CEMIP2: variants seen among roughly 807,000 people sequenced by gnomAD.
CEMIP2 encodes the protein cell migration inducing hyaluronidase 2.
Under a neutral mutation model 146.9 loss-of-function variants are expected in CEMIP2, and 79 were observed. That is an observed-to-expected ratio of 0.54 (90% CI 0.45 to 0.65). The LOEUF is 0.65. CEMIP2 is among the 30% of genes least tolerant of loss of function. The probability of loss-of-function intolerance (pLI) is 0.00; values close to 1 mark genes in which losing one functional copy is unlikely to be tolerated. For missense variants in CEMIP2, 1,596 were observed against 1,696.2 expected (o/e 0.94, Z 1.04); for synonymous variants, 601 against 606.3 (o/e 0.99, Z 0.13).
intron 1 of CEMIP2, among the ~76,000 whole-genome samples, chr9:71,761,784 C>T (rs1824644635): frequency 6.6e-6 from 1 of 152,074 alleles, no homozygotes; most frequent in Admixed American, 6.5e-5. Context: ...AGGGAGACAA[C>T]ACAAGTAAAC....
At chr9:71,703,183 A>G (rs1020553160) in intron 18 of CEMIP2, among the ~76,000 whole-genome samples, 1 of 152,156 alleles carries the variant, frequency 6.6e-6, no homozygotes, top group Non-Finnish European at 1.5e-5. Context: ...AGCCACAAAC[A>G]CTGTGGGTAG....
chr9:71,698,311 T>C (rs1822460052), intron 19 of CEMIP2, 107 bp from the exon 20 acceptor site: 1 of 889,280 alleles, frequency 1.1e-6, no homozygotes, highest in Non-Finnish European at 1.7e-6. Context: ...AATTAGTAAC[T>C]TTTCCTTAAA....
At chr9:71,719,842 C>CAA (rs34555277) in intron 12 of CEMIP2, among the ~76,000 whole-genome samples, 6 of 93,196 alleles carry the variant, frequency 6.4e-5, no homozygotes, top group African/African-American at 2.0e-4. Flanking sequence ...TAAACGAAAG[C>CAA]AAAAAAAAAA....
chr9:71,760,325 TCTC>T, intron 1 of CEMIP2, among the ~76,000 whole-genome samples: 1 of 152,244 alleles, frequency 6.6e-6, no homozygotes, highest in East Asian at 1.9e-4. Flanking sequence ...CACATTGGAC[TCTC>T]CTGTTAAAAT....
At chr9:71,724,193 G>A (rs1010596972) in intron 11 of CEMIP2, among the ~76,000 whole-genome samples, 2 of 152,004 alleles carry the variant, frequency 1.3e-5, no homozygotes, top group African/African-American at 2.4e-5. Flanking sequence ...TACTCAGGAG[G>A]CTGAGGCAGA....
chr9:71,764,670 T>C (rs747744771), intron 1 of CEMIP2, among the ~76,000 whole-genome samples: 2 of 152,152 alleles, frequency 1.3e-5, no homozygotes, highest in Non-Finnish European at 2.9e-5. Flanking sequence ...ACAGTTCACT[T>C]GATAGTTTTA....
chr9:71,704,946 T>A, intron 17 of CEMIP2, 143 bp from the exon 18 acceptor site: 1 of 708,990 alleles, frequency 1.4e-6, no homozygotes, highest in Non-Finnish European at 2.3e-6. Context: ...AGCAGCCAAC[T>A]ACATCCTCAG....
chr9:71,708,164 C>A (rs536086752), intron 17 of CEMIP2, among the ~76,000 whole-genome samples: 1 of 152,068 alleles, frequency 6.6e-6, no homozygotes, highest in Non-Finnish European at 1.5e-5. Flanking sequence ...CCAGCCTGGG[C>A]GACAGAGCAA....
chr9:71,759,678 T>C (rs955365879), intron 1 of CEMIP2, among the ~76,000 whole-genome samples: 1 of 152,146 alleles, frequency 6.6e-6, no homozygotes, highest in African/African-American at 2.4e-5. Flanking sequence ...ATAGTTCTTT[T>C]TGGAATTTAA....
intron 17 of CEMIP2, among the ~76,000 whole-genome samples, chr9:71,708,533 T>C (rs928635719): frequency 1.3e-5 from 2 of 152,234 alleles, no homozygotes; most frequent in African/African-American, 4.8e-5. Context: ...ATGCATACTT[T>C]AGAAAATAAC....
rs1823577882 is a variant in CEMIP2 at position 71,730,263 on chromosome 9, T to C, written c.1774-10A>G. ...CAATGGTGTCTTTTATCTGCAGAAA[T>C]AAAAGTATATTAATGTCATTGGTAA... On this transcript the variant is annotated splice_polypyrimidine_tract_variant and intron_variant, in intron 8 of 23. Transcript: ENST00000377044. 1.2e-6 allele frequency: 2 copies of C among 1,610,474 alleles called. No individual in the cohort carries two copies. Among genetic ancestry groups the C allele is most frequent in the Admixed American group, 1.7e-5 (1 of 59,974 alleles).
intron 12 of CEMIP2, among the ~76,000 whole-genome samples, chr9:71,719,036 GCTCAAATA>G (rs1823153643): frequency 6.6e-6 from 1 of 152,052 alleles, no homozygotes; most frequent in Admixed American, 6.5e-5. Context: ...GCCCCATGAT[GCTCAAATA>G]CTCAAATACA....
chr9:71,737,033 G>T (rs1823779011), intron 5 of CEMIP2, among the ~76,000 whole-genome samples: 1 of 151,712 alleles, frequency 6.6e-6, no homozygotes. Flanking sequence ...AGCCAGGTGT[G>T]GTGGTGCATG....
At chr9:71,715,459 G>T (rs915228163) in intron 14 of CEMIP2, among the ~76,000 whole-genome samples, 11 of 150,694 alleles carry the variant, frequency 7.3e-5, no homozygotes, top group Non-Finnish European at 1.3e-4. Flanking sequence ...GGCCCATGCT[G>T]GTCTTAAACT....
At chr9:71,769,103 GC>G (rs996170582), upstream of CEMIP2, among the ~76,000 whole-genome samples, 265 of 152,190 alleles carry the variant, frequency 1.7e-3, 1 homozygote, top group Non-Finnish European at 2.7e-3. Context: ...CCCAGCCAGC[GC>G]CCCCCGCTGC....
chr9:71,709,699 A>C (rs1822851537), intron 16 of CEMIP2, among the ~76,000 whole-genome samples: 1 of 152,232 alleles, frequency 6.6e-6, no homozygotes, highest in South Asian at 2.1e-4. Context: ...TATGGTGTTT[A>C]ATGGGCAAAT....
At position 71,768,460 on chromosome 9, in the gene CEMIP2, T is replaced by A. The variant is rs926196444; in HGVS notation, c.-116A>T. 6.6e-6 allele frequency: 1 copy of A among 152,370 alleles called. No homozygotes were observed. The highest frequency in any genetic ancestry group is 6.5e-5 in the Admixed American group (1 of 15,286). The allele number at this position is 152,370 out of a possible 1,614,324, so 9.4% of individuals were successfully genotyped here. A position where few individuals can be genotyped will look rare whatever the true frequency, so the allele number is the denominator to read the frequency against. ...TCCTCGGGTCCAGATCTCCTCTCCA[T>A]GGCCAGGAAGCCACTCGATTGCCGG... On this transcript the variant is annotated 5_prime_UTR_variant, in exon 1 of 24. The change abolishes an upstream ATG in the 5' untranslated region. Transcript: ENST00000377044.
In CEMIP2 at chr9:71,730,601, G is replaced by T. The variant is rs1426931162; in HGVS notation, c.1773+104C>A. ...CTCAGAAAAGGCAGGATAGAGCAAG[G>T]CATGTGGCTAAACAGTTTACATATA... is the stretch of plus-strand genomic sequence containing the variant. On this transcript the variant is annotated intron_variant, in intron 8 of 23. Coordinates refer to ENST00000377044, the MANE Select transcript of CEMIP2 (RefSeq NM_013390.3). 34 of 1,207,536 alleles carry T rather than the reference G, an allele frequency of 2.8e-5. No homozygotes were observed. The Admixed American group carries it at 7.5e-4, about 27-fold the overall frequency. The allele number at this position is 1,207,536 out of a possible 1,614,324, so 74.8% of individuals were successfully genotyped here.
chr9:71,733,718 G>A (rs2131975580), intron 6 of CEMIP2, among the ~76,000 whole-genome samples: 1 of 152,192 alleles, frequency 6.6e-6, no homozygotes, highest in East Asian at 1.9e-4. Flanking sequence ...TGAGTGAAAT[G>A]CACAATGAAT....
Sources: allele counts gnomAD v4.1 joint callset (sites outside exome capture counted in the v4.1 genomes callset), GRCh38; gene constraint gnomAD v4.1.1; transcripts MANE v1.5; gene names NCBI Gene and HGNC (gene_info 2026-07-23, HGNC 2026-07-21).